The following PPID variants were observed in gnomAD, a reference collection of about 807,000 sequenced individuals.
PPID encodes the protein peptidyl-prolyl cis-trans isomerase D.
A neutral mutation model predicts 48.1 loss-of-function variants in PPID; 47 were observed. The observed-to-expected ratio is 0.98, with a 90% CI of 0.77 to 1.25. PPID has a LOEUF of 1.25. PPID is among the 50% of genes most tolerant of loss of function. The pLI, the probability that PPID is intolerant of heterozygous loss-of-function variation, is 0.00. For missense variants in PPID, 429 were observed against 443.5 expected, an observed-to-expected ratio of 0.97 and a Z score of 0.29; for synonymous variants, 163 against 148.8, an observed-to-expected ratio of 1.10 and a Z score of -0.69.
Position 158,715,586 on chromosome 4 carries a change from C to T in PPID, c.621G>A (p.Glu207=). The change falls in exon 5 of 10, where the codon GAG becomes GAA. Residue 207 remains glutamate (E), a synonymous_variant. Coordinates refer to ENST00000307720, the MANE Select transcript of PPID (RefSeq NM_005038.3). ...CATCTTTTAAATCTATATCCGCATC[C>T]TCAGGGAAATCTGGATGACTGTCGC... The part of the protein sequence containing the change: ...GSGDSHPDFP[E]DADIDLKDVD... 1 of 1,613,966 alleles carries T rather than the reference C, an allele frequency of 6.2e-7. No homozygotes were observed. The highest frequency in any genetic ancestry group is 1.1e-5 in the South Asian group (1 of 91,074).
At chr4:158,719,071 T>G (rs1774914692) in intron 3 of PPID, 109 bp downstream of exon 3, 1 of 654,140 alleles carries the variant, frequency 1.5e-6, no homozygotes, top group East Asian at 2.8e-5. Context: ...TTACAAGAAA[T>G]GGAGAATCTA....
At position 158,723,257 on chromosome 4, in the gene PPID, G is replaced by A; in HGVS notation, c.32C>T (p.Ser11Phe). 1.2e-6 allele frequency: 2 copies of A among 1,614,080 alleles called. No individual in the cohort carries two copies. The change falls in exon 1 of 10, where the codon TCC (serine) becomes TTC (phenylalanine). Residue 11 changes from serine (S) to phenylalanine (F), a missense_variant. Coordinates refer to ENST00000307720, the MANE Select transcript of PPID (RefSeq NM_005038.3). MSHPSPQAKP[S>F]NPSNPRVFFD... ...GAAGACTCGAGGGTTACTGGGGTTG[G>A]AGGGCTTGGCTTGGGGGGACGGGTG...
At chr4:158,710,537 A>C (rs1774771478) in intron 9 of PPID, 91 bp downstream of exon 9, 1 of 1,382,140 alleles carries the variant, frequency 7.2e-7, no homozygotes, top group African/African-American at 1.4e-5. Flanking sequence ...TGTTGAACAA[A>C]CATCTAAAAT....
At chr4:158,709,966 A>T in intron 9 of PPID, 142 bp from the exon 10 acceptor site, 2 of 621,534 alleles carry the variant, frequency 3.2e-6, no homozygotes, top group Admixed American at 3.1e-5. Context: ...AAATCTGAGC[A>T]ATCACACAAA....
At chr4:158,717,833 T>A (rs920756091) in intron 3 of PPID, among the ~76,000 whole-genome samples, 1 of 152,208 alleles carries the variant, frequency 6.6e-6, no homozygotes, top group African/African-American at 2.4e-5. Flanking sequence ...GCTGCATACA[T>A]CTTGAAATCA....
At chr4:158,714,568 C>A (rs576222942) in intron 6 of PPID, among the ~76,000 whole-genome samples, 2 of 151,336 alleles carry the variant, frequency 1.3e-5, no homozygotes, top group Admixed American at 6.6e-5. Context: ...ATTGAAACAA[C>A]TGGGGAAGTT....
In PPID at chr4:158,710,666, T is replaced by A; in HGVS notation, c.986A>T (p.Asp329Val). 6.2e-7 allele frequency: 1 copy of A among 1,613,950 alleles called. No homozygotes were observed. Among genetic ancestry groups the A allele is most frequent in the Non-Finnish European group, 8.5e-7 (1 of 1,179,874 alleles). ...GLKEYDQALA[D>V]LKKAQGIAPE... ...TGCTATCCCCTGAGCTTTCTTAAGA[T>A]CAGCCTTTAATTGGAAAAAAACATT... The change falls in exon 9 of 10, where the codon GAT becomes GTT. Residue 329 changes from aspartate (D) to valine (V), a missense_variant. Physicochemically the swap from Asp to Val is radical, Grantham distance 152. Transcript: ENST00000307720.
chr4:158,717,296 G>T, intron 3 of PPID, 96 bp from the exon 4 acceptor site: 1 of 1,139,044 alleles, frequency 8.8e-7, no homozygotes, highest in South Asian at 1.7e-5. Flanking sequence ...ACATAAAACT[G>T]GGGTGCACTA....
At chr4:158,720,282 T>C (rs2126339156) in intron 2 of PPID, among the ~76,000 whole-genome samples, 1 of 152,374 alleles carries the variant, frequency 6.6e-6, no homozygotes, top group East Asian at 1.9e-4. Context: ...ACACTTGCTA[T>C]GTTAAATATT....
intron 4 of PPID, 88 bp from the exon 5 acceptor site, chr4:158,715,772 C>T: frequency 7.1e-7 from 1 of 1,416,250 alleles, no homozygotes; most frequent in Non-Finnish European, 9.8e-7. Flanking sequence ...GCAGCACTGT[C>T]CAATTCACAG....
At position 158,710,725 on chromosome 4, in the gene PPID, C is replaced by G. The variant is rs779673002; in HGVS notation, c.981+37G>C. The G allele has an allele frequency of 5.6e-6, 9 of 1,609,562 alleles. No homozygotes were observed. The South Asian group carries it at 9.9e-5, about 18-fold the overall frequency. On this transcript the variant is annotated intron_variant, in intron 8 of 9. Coordinates refer to ENST00000307720, the MANE Select transcript of PPID (RefSeq NM_005038.3). ...GTGTATGATTTATAAAGGTAGTTGT[C>G]TATTTTAAAAAATTAAACATTTGGA...
At position 158,723,333 on chromosome 4, in the gene PPID, T is replaced by C. The variant is rs567432287; in HGVS notation, c.-45A>G. The C allele has an allele frequency of 3.8e-6, 6 of 1,577,588 alleles. 1 individual carries two copies. The highest frequency in any genetic ancestry group is 3.3e-5 in the South Asian group (3 of 89,794). ...TAGTACGGAATATCAGAGTACCTAG[T>C]GGCCGCCCGGGCCGCCCAAACTCCA... On this transcript the variant is annotated 5_prime_UTR_variant, in exon 1 of 10. Transcript: ENST00000307720.
Position 158,715,286 on chromosome 4 carries a change from A to G in PPID, c.752+11T>C. On this transcript the variant is annotated intron_variant, in intron 6 of 9. Transcript: ENST00000307720. ...AATTTCTTAAAAATAATTTGTTAGA[A>G]ATAATATTACCTTAAAACTTCTGCA... The G allele has an allele frequency of 1.4e-6, 2 of 1,416,510 alleles. No homozygotes were observed. Among genetic ancestry groups the G allele is most frequent in the Middle Eastern group, 2.5e-4 (1 of 4,004 alleles). The allele number at this position is 1,416,510 out of a possible 1,614,324, so 87.7% of individuals were successfully genotyped here. A position where few individuals can be genotyped will look rare whatever the true frequency, so the allele number is the denominator to read the frequency against.
chr4:158,715,722 G>GT (rs17843931), intron 4 of PPID, 38 bp from the exon 5 acceptor site: 15 of 1,581,352 alleles, frequency 9.5e-6, no homozygotes, highest in Non-Finnish European at 1.3e-5. Flanking sequence ...GTGCACTATC[G>GT]TAATAATGAG....
chr4:158,717,326 C>CT, intron 3 of PPID, 126 bp from the exon 4 acceptor site: 1 of 721,184 alleles, frequency 1.4e-6, no homozygotes, highest in Non-Finnish European at 2.0e-6. Context: ...TTAGATCAAA[C>CT]TACTTTTTTT....
rs771518314 is a variant in PPID at position 158,710,628 on chromosome 4, CT to C, written c.1023del (p.Ala342LeufsTer7). The C allele has an allele frequency of 6.2e-7, 1 of 1,613,458 alleles. No individual in the cohort carries two copies. The highest frequency in any genetic ancestry group is 1.1e-5 in the South Asian group (1 of 91,038). On this transcript the variant is annotated frameshift_variant and splice_region_variant, in exon 9 of 10. Coordinates refer to ENST00000307720, the MANE Select transcript of PPID (RefSeq NM_005038.3). LOFTEE classifies it high-confidence loss of function. ...KKAQGIAPED[K>X]AIQAELLKVK... ...TTCACTACAAAAGCTGCCAACTTAC[CT>C]TTATCTTCTGGTGCTATCCCCTGAG...
Position 158,711,011 on chromosome 4 carries a change from C to T in PPID, c.895-163G>A, listed in dbSNP as rs138022362. Among the ~76,000 whole-genome samples the T allele has an allele frequency of 2.7e-3, 415 of 152,324 alleles. 3 individuals carry two copies. Among genetic ancestry groups the T allele is most frequent in the African/African-American group, 9.7e-3 (404 of 41,568 alleles). The stretch of plus-strand genomic sequence containing the variant: ...TCTGCCAGTGGGCACTAAGTTTTGT[C>T]AGCAGAGGGCACTGAATGGACATGG... On this transcript the variant is annotated intron_variant, in intron 7 of 9. Transcript: ENST00000307720.
At chr4:158,713,306 G>A in intron 6 of PPID, 46 bp from the exon 7 acceptor site, 3 of 1,499,368 alleles carry the variant, frequency 2.0e-6, no homozygotes, top group East Asian at 2.4e-5. Context: ...CACATAAACA[G>A]GAATTACTCT....
chr4:158,718,468 G>A (rs17843913), intron 3 of PPID, among the ~76,000 whole-genome samples: 143 of 152,260 alleles, frequency 9.4e-4, no homozygotes, highest in African/African-American at 3.0e-3. Flanking sequence ...TTCTCCAGTA[G>A]TCCCATGTAT....
Sources: allele counts gnomAD v4.1 joint callset (sites outside exome capture counted in the v4.1 genomes callset), GRCh38; gene constraint gnomAD v4.1.1; transcripts MANE v1.5; gene names NCBI Gene and HGNC (gene_info 2026-07-23, HGNC 2026-07-21).